Variants in ZDHHC5 observed in about 807,000 individuals in gnomAD.
The protein encoded by ZDHHC5 is zDHHC palmitoyltransferase 5.
A neutral mutation model predicts 70.0 loss-of-function variants in ZDHHC5; 22 were observed. That is an observed-to-expected ratio of 0.31 (90% CI 0.22 to 0.45). ZDHHC5 has a LOEUF of 0.45. Among genes scored for constraint, ZDHHC5 ranks in the 20% least tolerant of loss-of-function variants. The probability of loss-of-function intolerance (pLI) is 1.00; values close to 1 mark genes in which losing one functional copy is unlikely to be tolerated. For synonymous variants in ZDHHC5, 313 were observed against 347.8 expected (o/e 0.90, Z 1.11); for missense variants, 746 against 926.9 (o/e 0.80, Z 2.53).
At chr11:57,686,262 C>A (rs1288717287) in intron 3 of ZDHHC5, among the ~76,000 whole-genome samples, 3 of 151,708 alleles carry the variant, frequency 2.0e-5, no homozygotes, top group Non-Finnish European at 4.4e-5. Context: ...GGTGATAGAG[C>A]AAAACTCTCT....
rs758944679 is a variant in ZDHHC5 at position 57,681,054 on chromosome 11, CTT to C, written c.105-1365_105-1364del. Among the ~76,000 whole-genome samples the C allele has an allele frequency of 1.2e-4, 19 of 152,262 alleles. 1 individual carries two copies. In the East Asian group the frequency reaches 3.3e-3, roughly 26 times the overall value. ...CCTGGCATATAATAAATACTAAAAA[CTT>C]TTCAAAATGAATGGCTGAATGGAAT... On this transcript the variant is annotated intron_variant, in intron 2 of 11. Transcript: ENST00000287169.
rs1166851623 is a variant in ZDHHC5, at chr11:57,700,320, C to A, written c.*289C>A. On this transcript the variant is annotated 3_prime_UTR_variant, in exon 12 of 12. Coordinates refer to ENST00000287169, the MANE Select transcript of ZDHHC5 (RefSeq NM_015457.3). ...GTGCAATTGCTCGCCCTGGAGGGAA[C>A]CAGATCATTTTTAAACCAGAAATAA... 13 of 267,774 alleles carry A rather than the reference C, an allele frequency of 4.9e-5. No individual in the cohort carries two copies. The Admixed American group carries it at 4.9e-4, about 10-fold the overall frequency. 16.6% of individuals were successfully genotyped at this position (267,774 alleles called of 1,614,324 possible). A position where few individuals can be genotyped will look rare whatever the true frequency, so the allele number is the denominator to read the frequency against.
chr11:57,699,755 T>C (rs1946415343), intron 11 of ZDHHC5, 111 bp from the exon 12 acceptor site: 2 of 1,381,564 alleles, frequency 1.4e-6, no homozygotes, highest in East Asian at 2.4e-5. Flanking sequence ...GGTAAGAAAG[T>C]ATGGATATAG....
intron 2 of ZDHHC5, among the ~76,000 whole-genome samples, chr11:57,675,257 G>A (rs1946057030): frequency 6.6e-6 from 1 of 152,176 alleles, no homozygotes; most frequent in African/African-American, 2.4e-5. Context: ...GGAAATTGAG[G>A]GGACTAAATG....
chr11:57,682,300 C>CA lies in ZDHHC5; in HGVS notation c.105-119dup, dbSNP rs1214752976. 6.0e-5 allele frequency: 80 copies of CA among 1,341,876 alleles called. No individual in the cohort carries two copies. The South Asian group carries it at 1.2e-3, about 20-fold the overall frequency. The allele number at this position is 1,341,876 out of a possible 1,614,324, so 83.1% of individuals were successfully genotyped here. On this transcript the variant is annotated intron_variant, in intron 2 of 11. Transcript: ENST00000287169. ...AGATAAAGATAATAATTTGGGATGG[C>CA]AAAGGTAAACCACACAAGATTTATC...
intron 3 of ZDHHC5, among the ~76,000 whole-genome samples, chr11:57,682,942 G>A (rs1464400133): frequency 6.6e-6 from 1 of 152,200 alleles, no homozygotes; most frequent in Non-Finnish European, 1.5e-5. Flanking sequence ...GGAGGCAAGA[G>A]CAAGGTTCTG....
At chr11:57,670,446 G>T (rs951907869) in intron 1 of ZDHHC5, among the ~76,000 whole-genome samples, 1 of 151,798 alleles carries the variant, frequency 6.6e-6, no homozygotes, top group Non-Finnish European at 1.5e-5. Flanking sequence ...CTTCAGCCTG[G>T]GTGACAGAGG....
At chr11:57,697,625 AGAGT>A (rs1420857353) in intron 10 of ZDHHC5, among the ~76,000 whole-genome samples, 4 of 142,922 alleles carry the variant, frequency 2.8e-5, no homozygotes, top group Admixed American at 2.1e-4. Flanking sequence ...TCTGGGTGAC[AGAGT>A]GAGAGTCCAT....
At chr11:57,680,970 AT>A (rs1169837799) in intron 2 of ZDHHC5, among the ~76,000 whole-genome samples, 10 of 152,196 alleles carry the variant, frequency 6.6e-5, no homozygotes, top group Non-Finnish European at 1.5e-4. Flanking sequence ...TTGTCTGCTA[AT>A]TGTGTACTGA....
chr11:57,687,769 TTTTTTTTTTTTTTAAGATG>T (rs1483530529), intron 3 of ZDHHC5, among the ~76,000 whole-genome samples: 1 of 118,556 alleles, frequency 8.4e-6, no homozygotes, highest in African/African-American at 3.1e-5. Flanking sequence ...TTTTTTTTTT[TTTTTTTTTTTTTTAAGATG>T]AAGATGAAGT....
chr11:57,674,924 C>T (rs562984711), intron 2 of ZDHHC5, among the ~76,000 whole-genome samples: 2 of 152,322 alleles, frequency 1.3e-5, no homozygotes, highest in East Asian at 3.9e-4. Flanking sequence ...AGAGACAGTG[C>T]TGCTTTTCTC....
chr11:57,670,406 G>A (rs993712684), intron 1 of ZDHHC5, among the ~76,000 whole-genome samples: 6 of 151,972 alleles, frequency 3.9e-5, no homozygotes, highest in Admixed American at 1.3e-4. Flanking sequence ...GGGACTCGGA[G>A]GTTGCAGTGA....
intron 6 of ZDHHC5, among the ~76,000 whole-genome samples, chr11:57,691,944 A>C (rs1417744028): frequency 6.6e-6 from 1 of 152,162 alleles, no homozygotes; most frequent in Non-Finnish European, 1.5e-5. Flanking sequence ...TGCTTACAGG[A>C]AAGCAATGAT....
intron 8 of ZDHHC5, 125 bp from the exon 9 acceptor site, chr11:57,695,795 C>CAAA (rs200575894): frequency 0.011 from 12,275 of 1,144,354 alleles, 4 homozygotes; most frequent in East Asian, 0.027. Context: ...GACCTTGTCT[C>CAAA]AAAAAAAAAA....
chr11:57,678,444 G>A (rs1465922436), intron 2 of ZDHHC5, among the ~76,000 whole-genome samples: 7 of 151,778 alleles, frequency 4.6e-5, no homozygotes, highest in African/African-American at 1.2e-4. Context: ...GGTGGTGGGC[G>A]CCTGTAGTCC....
intron 2 of ZDHHC5, among the ~76,000 whole-genome samples, chr11:57,680,773 C>T (rs1321633287): frequency 6.6e-6 from 1 of 152,122 alleles, no homozygotes; most frequent in African/African-American, 2.4e-5. Flanking sequence ...TGAGGCGGTG[C>T]AGGAACTCTT....
At chr11:57,681,163 C>T (rs1323829048) in intron 2 of ZDHHC5, among the ~76,000 whole-genome samples, 1 of 152,172 alleles carries the variant, frequency 6.6e-6, no homozygotes, top group Non-Finnish European at 1.5e-5. Flanking sequence ...GCTTGTATCT[C>T]GTTAAGGAAC....
rs1946022841 is a variant in ZDHHC5, at chr11:57,672,768, A to G, written c.-323A>G. 2 of 247,914 alleles carry G rather than the reference A, an allele frequency of 8.1e-6. No homozygotes were observed. The highest frequency in any genetic ancestry group is 6.4e-5 in the South Asian group (1 of 15,702). The allele number at this position is 247,914 out of a possible 1,614,324, so 15.4% of individuals were successfully genotyped here. On this transcript the variant is annotated 5_prime_UTR_variant, in exon 2 of 12. Transcript: ENST00000287169. ...CTGTCCATGTTTTCCACCTGCAACC[A>G]TTTGCATGTGTACAGCCTACTGTTT...
At chr11:57,685,791 G>T (rs1946201529) in intron 3 of ZDHHC5, among the ~76,000 whole-genome samples, 1 of 152,176 alleles carries the variant, frequency 6.6e-6, no homozygotes, top group Non-Finnish European at 1.5e-5. Context: ...TCTTTGGGTG[G>T]CCCAGGTGAG....
Sources: allele counts gnomAD v4.1 joint callset (sites outside exome capture counted in the v4.1 genomes callset), GRCh38; gene constraint gnomAD v4.1.1; transcripts MANE v1.5; gene names NCBI Gene and HGNC (gene_info 2026-07-23, HGNC 2026-07-21).